CACNB2: variants seen among roughly 807,000 people sequenced by gnomAD.
The protein encoded by CACNB2 is voltage-dependent L-type calcium channel subunit beta-2.
A neutral mutation model predicts 73.3 loss-of-function variants in CACNB2; 42 were observed. The ratio of observed to expected loss-of-function variants is 0.57; its 90% confidence interval spans 0.45 to 0.74. The LOEUF (loss-of-function observed/expected upper bound fraction) is 0.74, where lower values mean the gene tolerates loss of function less well. Among genes scored for constraint, CACNB2 ranks in the 30% least tolerant of loss-of-function variants. The pLI, the probability that CACNB2 is intolerant of heterozygous loss-of-function variation, is 0.00. For synonymous variants in CACNB2, 348 were observed against 310.3 expected (o/e 1.12, Z -1.28); for missense variants, 940 against 853.0 (o/e 1.10, Z -1.27).
At chr10:18,162,570 C>A (rs2032545341) in intron 2 of CACNB2, among the ~76,000 whole-genome samples, 1 of 152,180 alleles carries the variant, frequency 6.6e-6, no homozygotes, top group Non-Finnish European at 1.5e-5. Flanking sequence ...GGAAATATTT[C>A]TCTGTCAATT....
intron 2 of CACNB2, among the ~76,000 whole-genome samples, chr10:18,258,828 A>G (rs966029135): frequency 3.3e-5 from 5 of 152,216 alleles, no homozygotes; most frequent in African/African-American, 1.2e-4. Flanking sequence ...GTTTCTTTAA[A>G]AAATCAAATT....
At chr10:18,472,428 G>C (rs1163073958) in intron 3 of CACNB2, among the ~76,000 whole-genome samples, 3 of 151,858 alleles carry the variant, frequency 2.0e-5, no homozygotes, top group Non-Finnish European at 4.4e-5. Context: ...GTACAGATGG[G>C]GTTTCACCAT....
chr10:18,227,553 GA>G (rs2036042649), intron 2 of CACNB2, among the ~76,000 whole-genome samples: 3 of 152,338 alleles, frequency 2.0e-5, no homozygotes, highest in African/African-American at 7.2e-5. Context: ...CAAAGGAGCT[GA>G]GAAATCAAAG....
intron 2 of CACNB2, among the ~76,000 whole-genome samples, chr10:18,375,565 G>A (rs965356572): frequency 6.6e-6 from 1 of 152,062 alleles, no homozygotes. Flanking sequence ...GGAAATAGAA[G>A]GCAATATTTG....
intron 2 of CACNB2, among the ~76,000 whole-genome samples, chr10:18,160,111 C>A (rs2032348814): frequency 6.6e-6 from 1 of 152,044 alleles, no homozygotes; most frequent in Non-Finnish European, 1.5e-5. Context: ...AGTATTAAAA[C>A]AAAATTTAGA....
intron 2 of CACNB2, among the ~76,000 whole-genome samples, chr10:18,390,416 A>G (rs1020381907): frequency 5.9e-5 from 9 of 152,080 alleles, no homozygotes; most frequent in African/African-American, 1.9e-4. Flanking sequence ...GTTTCACCAT[A>G]TTGGCCAGGC....
chr10:18,316,322 T>C (rs573791712), intron 2 of CACNB2, among the ~76,000 whole-genome samples: 2 of 152,300 alleles, frequency 1.3e-5, no homozygotes, highest in Middle Eastern at 3.4e-3. Flanking sequence ...TCAATAATGT[T>C]GGGTAGCTGC....
chr10:18,497,969 G>T (rs529092527), intron 3 of CACNB2, among the ~76,000 whole-genome samples: 2 of 152,190 alleles, frequency 1.3e-5, no homozygotes, highest in African/African-American at 2.4e-5. Context: ...GATGTTTGGG[G>T]TAGCAAGGCA....
At chr10:18,460,521 T>C (rs888020384) in intron 3 of CACNB2, among the ~76,000 whole-genome samples, 1 of 152,112 alleles carries the variant, frequency 6.6e-6, no homozygotes, top group Non-Finnish European at 1.5e-5. Flanking sequence ...GAGATTGAGT[T>C]TAGTGATGGT....
intron 2 of CACNB2, among the ~76,000 whole-genome samples, chr10:18,349,740 G>A (rs2041626364): frequency 7.1e-6 from 1 of 140,936 alleles, no homozygotes; most frequent in Admixed American, 7.2e-5. Flanking sequence ...AAAAAAAAAA[G>A]ATCCTGGAGA....
intron 7 of CACNB2, among the ~76,000 whole-genome samples, chr10:18,515,590 A>G (rs2051195532): frequency 6.6e-6 from 1 of 152,240 alleles, no homozygotes; most frequent in Non-Finnish European, 1.5e-5. Context: ...TGAATCAATT[A>G]TGATTATTTT....
At chr10:18,486,993 T>G (rs1215402650) in intron 3 of CACNB2, among the ~76,000 whole-genome samples, 1 of 152,132 alleles carries the variant, frequency 6.6e-6, no homozygotes, top group East Asian at 1.9e-4. Context: ...GGCTCCCAAG[T>G]GCGTCATCTG....
At chr10:18,312,668 T>C (rs2040006909) in intron 2 of CACNB2, among the ~76,000 whole-genome samples, 1 of 152,206 alleles carries the variant, frequency 6.6e-6, no homozygotes, top group South Asian at 2.1e-4. Context: ...TGCTCTTTTC[T>C]GTCTTCATAC....
chr10:18,410,746 C>T (rs1033512985), intron 3 of CACNB2, among the ~76,000 whole-genome samples: 1 of 152,066 alleles, frequency 6.6e-6, no homozygotes, highest in Non-Finnish European at 1.5e-5. Context: ...CTTTGGGAGG[C>T]CAAGGCAGGT....
intron 2 of CACNB2, among the ~76,000 whole-genome samples, chr10:18,401,465 ATCATG>A (rs1418915733): frequency 6.6e-6 from 1 of 152,238 alleles, no homozygotes; most frequent in African/African-American, 2.4e-5. Context: ...TAAAGTGGGA[ATCATG>A]TCATGGTAGT....
intron 2 of CACNB2, among the ~76,000 whole-genome samples, chr10:18,376,373 T>C (rs970556349): frequency 7.2e-5 from 11 of 152,094 alleles, no homozygotes; most frequent in African/African-American, 1.7e-4. Flanking sequence ...GGGGCAGGCA[T>C]TGGGGGACAA....
At chr10:18,200,584 T>A (rs1564338807) in intron 2 of CACNB2, among the ~76,000 whole-genome samples, 1 of 152,102 alleles carries the variant, frequency 6.6e-6, no homozygotes, top group Non-Finnish European at 1.5e-5. Context: ...CTATTAGGTA[T>A]GTTTTCTGTA....
At chr10:18,176,876 G>T (rs1237034106) in intron 2 of CACNB2, among the ~76,000 whole-genome samples, 1 of 151,834 alleles carries the variant, frequency 6.6e-6, no homozygotes, top group African/African-American at 2.4e-5. Context: ...ACATTGAGAA[G>T]GTATGCGGGG....
chr10:18,316,654 A>G (rs984957675), intron 2 of CACNB2, among the ~76,000 whole-genome samples: 5 of 152,044 alleles, frequency 3.3e-5, no homozygotes, highest in Middle Eastern at 3.4e-3. Context: ...TGTAGTGCCA[A>G]TTTCACCATG....
Sources: gnomAD v4.1 joint callset for allele counts (sites outside exome capture counted in the v4.1 genomes callset) on GRCh38, gnomAD v4.1.1 for gene constraint, MANE v1.5 for transcripts, NCBI Gene and HGNC (gene_info 2026-07-23, HGNC 2026-07-21) for gene names.